The following GBE1 variants were observed in gnomAD, a reference collection of about 807,000 sequenced individuals.
GBE1 encodes 1,4-alpha-glucan branching enzyme 1, also known as 1,4-alpha-glucan-branching enzyme.
Under a neutral mutation model 88.8 loss-of-function variants are expected in GBE1, and 70 were observed. The ratio of observed to expected loss-of-function variants is 0.79; its 90% CI spans 0.65 to 0.96. The LOEUF (loss-of-function observed/expected upper bound fraction) is 0.96, where lower values mean the gene tolerates loss of function less well. Ranked by LOEUF, GBE1 falls within the 40% of genes least tolerant of loss-of-function variation. The pLI is 0.00. For missense variants in GBE1, 872 were observed against 871.0 expected (o/e 1.00, Z -0.01); for synonymous variants, 284 against 300.1 (o/e 0.95, Z 0.56).
chr3:81,729,975 A>G (rs1706163056), intron 1 of GBE1, among the ~76,000 whole-genome samples: 1 of 152,136 alleles, frequency 6.6e-6, no homozygotes, highest in African/African-American at 2.4e-5. Flanking sequence ...ACATGAAGGA[A>G]GGGGAATATT....
chr3:81,540,673 C>T (rs1422246955), intron 12 of GBE1, among the ~76,000 whole-genome samples: 1 of 152,050 alleles, frequency 6.6e-6, no homozygotes, highest in Admixed American at 6.6e-5. Context: ...TTTAATAATA[C>T]AAACATATAT....
intron 4 of GBE1, among the ~76,000 whole-genome samples, chr3:81,649,245 G>A (rs373819731): frequency 5.9e-4 from 90 of 151,614 alleles, no homozygotes; most frequent in African/African-American, 2.0e-3. Flanking sequence ...TTTTAACTTA[G>A]GCCTTAGAGA....
chr3:81,592,033 T>C (rs1703885590), intron 8 of GBE1, among the ~76,000 whole-genome samples: 1 of 152,136 alleles, frequency 6.6e-6, no homozygotes. Flanking sequence ...AAAAATTGCA[T>C]ATATTCAAGG....
intron 12 of GBE1, among the ~76,000 whole-genome samples, chr3:81,556,080 A>G (rs1203002996): frequency 6.6e-6 from 1 of 152,152 alleles, no homozygotes; most frequent in African/African-American, 2.4e-5. Flanking sequence ...ACATGTAGAT[A>G]TACAGTAAAG....
At chr3:81,626,305 G>A (rs577205705) in intron 7 of GBE1, among the ~76,000 whole-genome samples, 46 of 152,206 alleles carry the variant, frequency 3.0e-4, no homozygotes, top group Non-Finnish European at 5.3e-4. Flanking sequence ...AAAGTAAAAC[G>A]ACCATTAACA....
At chr3:81,608,655 C>T (rs1475212227) in intron 7 of GBE1, among the ~76,000 whole-genome samples, 1 of 152,070 alleles carries the variant, frequency 6.6e-6, no homozygotes, top group Non-Finnish European at 1.5e-5. Context: ...CTGTTAACTC[C>T]TTAAGATGAT....
At chr3:81,741,800 A>G (rs542947991) in intron 1 of GBE1, among the ~76,000 whole-genome samples, 1 of 148,252 alleles carries the variant, frequency 6.7e-6, no homozygotes, top group African/African-American at 2.4e-5. Flanking sequence ...AGAGTATTAT[A>G]CTCTACATAA....
intron 2 of GBE1, among the ~76,000 whole-genome samples, chr3:81,676,346 G>C (rs1705251950): frequency 6.6e-6 from 1 of 151,996 alleles, no homozygotes; most frequent in African/African-American, 2.4e-5. Context: ...AGTTTCTCTT[G>C]ATAGAAACTT....
At chr3:81,635,203 T>C (rs1704575289) in intron 7 of GBE1, among the ~76,000 whole-genome samples, 1 of 152,034 alleles carries the variant, frequency 6.6e-6, no homozygotes, top group South Asian at 2.1e-4. Context: ...AACCTAGAAG[T>C]AGACAAGGAA....
chr3:81,490,402 C>T lies in GBE1; in HGVS notation c.*5G>A, dbSNP rs371081815. ...TGCATCTGGTGGAGCTGAAATCAGG[C>T]CTCTTCAATTCGGCAGATCCACATT... On this transcript the variant is annotated 3_prime_UTR_variant, in exon 16 of 16. Transcript: ENST00000429644. 20 of 1,610,930 alleles carry T rather than the reference C, an allele frequency of 1.2e-5. No individual in the cohort carries two copies. In the African/African-American group the frequency reaches 2.3e-4, roughly 18 times the overall value.
intron 8 of GBE1, among the ~76,000 whole-genome samples, chr3:81,591,434 T>C (rs960181941): frequency 6.6e-6 from 1 of 152,182 alleles, no homozygotes; most frequent in African/African-American, 2.4e-5. Flanking sequence ...AGCTAAATTA[T>C]ATGGCAAAAA....
At chr3:81,587,071 C>T (rs895293766) in intron 9 of GBE1, among the ~76,000 whole-genome samples, 6 of 152,038 alleles carry the variant, frequency 3.9e-5, no homozygotes, top group Admixed American at 1.3e-4. Context: ...CAAAGTGCTG[C>T]GACAACAGGC....
chr3:81,667,784 C>T (rs778127995), intron 3 of GBE1, among the ~76,000 whole-genome samples: 1 of 152,060 alleles, frequency 6.6e-6, no homozygotes, highest in Admixed American at 6.6e-5. Flanking sequence ...CCTTGCATCC[C>T]GGGGATGAAA....
At chr3:81,745,139 G>A (rs987316227) in intron 1 of GBE1, among the ~76,000 whole-genome samples, 1 of 152,034 alleles carries the variant, frequency 6.6e-6, no homozygotes, top group Non-Finnish European at 1.5e-5. Flanking sequence ...GAGAGTGTTA[G>A]GAATAAACTT....
intron 2 of GBE1, among the ~76,000 whole-genome samples, chr3:81,673,054 G>A (rs1183267737): frequency 6.6e-6 from 1 of 151,788 alleles, no homozygotes; most frequent in Non-Finnish European, 1.5e-5. Context: ...TACAAGTTTG[G>A]TGCTGCTATA....
intron 1 of GBE1, among the ~76,000 whole-genome samples, chr3:81,721,440 C>A (rs1473988764): frequency 4.6e-5 from 7 of 151,866 alleles, no homozygotes; most frequent in Admixed American, 1.3e-4. Context: ...AGTGCTCTGA[C>A]CAGACATACT....
chr3:81,551,937 G>A (rs964821427), intron 12 of GBE1, among the ~76,000 whole-genome samples: 2 of 152,172 alleles, frequency 1.3e-5, no homozygotes, highest in African/African-American at 4.8e-5. Flanking sequence ...GGAATGTGGT[G>A]CTGAATGTTA....
chr3:81,576,109 C>T (rs906902698), intron 12 of GBE1, among the ~76,000 whole-genome samples: 57 of 151,516 alleles, frequency 3.8e-4, no homozygotes, highest in African/African-American at 1.4e-3. Flanking sequence ...TCAGTAATAG[C>T]ACAAAGTGAG....
chr3:81,735,505 G>T (rs1204340220), intron 1 of GBE1, among the ~76,000 whole-genome samples: 1 of 152,164 alleles, frequency 6.6e-6, no homozygotes, highest in Non-Finnish European at 1.5e-5. Flanking sequence ...GAAAATCACA[G>T]GACTAGTCAG....
Sources: allele counts gnomAD v4.1 joint callset (sites outside exome capture counted in the v4.1 genomes callset), GRCh38; gene constraint gnomAD v4.1.1; transcripts MANE v1.5; gene names NCBI Gene and HGNC (gene_info 2026-07-23, HGNC 2026-07-21).